Variants in ADGRV1 observed in about 807,000 individuals in gnomAD.
The protein encoded by ADGRV1 is G-protein coupled receptor 98.
Under a neutral mutation model 596.2 loss-of-function variants are expected in ADGRV1, and 359 were observed. That is an observed-to-expected ratio of 0.60 (90% confidence interval 0.55 to 0.66). The LOEUF is 0.66. Ranked by LOEUF, ADGRV1 falls within the 30% of genes least tolerant of loss-of-function variation. The probability of loss-of-function intolerance (pLI) is 0.00; values close to 1 mark genes in which losing one functional copy is unlikely to be tolerated. For synonymous variants in ADGRV1, 2,681 were observed against 2,679.2 expected, an observed-to-expected ratio of 1.00 and a Z score of -0.02; for missense variants, 7,274 against 7,575.6, an observed-to-expected ratio of 0.96 and a Z score of 1.48.
chr5:90,872,442 TGTGTGTGTGTGTGTG>T (rs1768786147), intron 83 of ADGRV1, among the ~76,000 whole-genome samples: 1 of 149,350 alleles, frequency 6.7e-6, no homozygotes, highest in Admixed American at 6.7e-5. Flanking sequence ...TGTGTGTGTG[TGTGTGTGTGTGTGTG>T]TGTGTGTGTA....
chr5:90,845,825 C>T (rs187847472), intron 78 of ADGRV1, among the ~76,000 whole-genome samples: 13 of 152,258 alleles, frequency 8.5e-5, no homozygotes, highest in African/African-American at 3.1e-4. Context: ...AGCCTGTTAT[C>T]TTTTCTCTGA....
chr5:90,661,706 A>G (rs2149491123), intron 21 of ADGRV1, among the ~76,000 whole-genome samples: 1 of 152,314 alleles, frequency 6.6e-6, no homozygotes, highest in East Asian at 1.9e-4. Flanking sequence ...GGTAGTGAGT[A>G]TTATTGTGTC....
chr5:90,928,485 G>C (rs1774775005), intron 83 of ADGRV1, among the ~76,000 whole-genome samples: 2 of 149,790 alleles, frequency 1.3e-5, no homozygotes, highest in Admixed American at 6.6e-5. Context: ...AGCTCCATCA[G>C]CTCCTTTAAG....
chr5:90,773,435 A>C (rs1443842750), intron 59 of ADGRV1, among the ~76,000 whole-genome samples: 2 of 152,146 alleles, frequency 1.3e-5, no homozygotes, highest in Admixed American at 1.3e-4. Context: ...CAAGAAAAAA[A>C]ATAAGAAAAA....
intron 1 of ADGRV1, among the ~76,000 whole-genome samples, chr5:90,566,595 G>T (rs900478683): frequency 4.6e-5 from 7 of 151,822 alleles, no homozygotes; most frequent in Non-Finnish European, 1.0e-4. Context: ...TAATTATGTT[G>T]TAAATGCAAT....
At chr5:90,852,128 G>A (rs113587205) in intron 79 of ADGRV1, among the ~76,000 whole-genome samples, 77 of 152,282 alleles carry the variant, frequency 5.1e-4, no homozygotes, top group African/African-American at 1.8e-3. Context: ...CATGGACAAA[G>A]GACCTAGAGC....
chr5:90,860,168 C>T (rs1040312646), intron 82 of ADGRV1, among the ~76,000 whole-genome samples: 2 of 152,040 alleles, frequency 1.3e-5, no homozygotes, highest in Non-Finnish European at 2.9e-5. Context: ...TATTGAACAG[C>T]GTTAAGTTCA....
chr5:90,666,744 G>A (rs1771480044), intron 21 of ADGRV1, among the ~76,000 whole-genome samples: 2 of 151,536 alleles, frequency 1.3e-5, no homozygotes, highest in African/African-American at 4.9e-5. Flanking sequence ...TGCAGCGGCT[G>A]GTACCGGTTG....
chr5:90,880,225 C>A (rs544366328), intron 83 of ADGRV1, among the ~76,000 whole-genome samples: 6 of 152,200 alleles, frequency 3.9e-5, no homozygotes, highest in African/African-American at 1.4e-4. Flanking sequence ...AGATTTGAAC[C>A]TATGTGTGTC....
intron 75 of ADGRV1, among the ~76,000 whole-genome samples, chr5:90,817,739 C>A (rs369062002): frequency 1.3e-5 from 2 of 152,030 alleles, no homozygotes; most frequent in African/African-American, 2.4e-5. Context: ...TGCGGCGTTA[C>A]TTCTGAGGGC....
intron 87 of ADGRV1, among the ~76,000 whole-genome samples, chr5:91,145,838 A>G (rs1795491638): frequency 6.6e-6 from 1 of 152,214 alleles, no homozygotes; most frequent in Admixed American, 6.5e-5. Context: ...ACTAAATTAT[A>G]ATAGTATTCC....
At chr5:90,786,369 T>C (rs977826600) in intron 67 of ADGRV1, among the ~76,000 whole-genome samples, 4 of 152,230 alleles carry the variant, frequency 2.6e-5, no homozygotes, top group Admixed American at 2.6e-4. Flanking sequence ...CTGCACGTTG[T>C]GCACATGTAC....
At chr5:90,906,749 T>A (rs1219907336) in intron 83 of ADGRV1, among the ~76,000 whole-genome samples, 2 of 152,158 alleles carry the variant, frequency 1.3e-5, no homozygotes, top group Non-Finnish European at 2.9e-5. Context: ...GCTCTCTTCT[T>A]TATTATTTCT....
chr5:90,755,457 A>G (rs775253377), intron 55 of ADGRV1, among the ~76,000 whole-genome samples: 4 of 152,168 alleles, frequency 2.6e-5, no homozygotes, highest in Non-Finnish European at 4.4e-5. Flanking sequence ...TAGATTAATT[A>G]TATCTGATTG....
intron 59 of ADGRV1, among the ~76,000 whole-genome samples, chr5:90,769,722 G>T (rs780003217): frequency 4.6e-5 from 7 of 151,890 alleles, no homozygotes; most frequent in Non-Finnish European, 8.8e-5. Context: ...TCAAGCTTTT[G>T]TTTCTTCATA....
At chr5:90,770,430 T>C (rs1407532398) in intron 59 of ADGRV1, among the ~76,000 whole-genome samples, 2 of 152,140 alleles carry the variant, frequency 1.3e-5, no homozygotes, top group East Asian at 1.9e-4. Flanking sequence ...TGGTACTTCT[T>C]GTTATTTAGG....
In ADGRV1 at chr5:90,697,155, C is replaced by T. The variant is rs763170042; in HGVS notation, c.8155+9C>T. 1.9e-6 allele frequency: 3 copies of T among 1,606,118 alleles called. No individual in the cohort carries two copies. The Admixed American group carries it at 5.0e-5, about 27-fold the overall frequency. On this transcript the variant is annotated intron_variant, in intron 34 of 89. Transcript: ENST00000405460. ...TGTCATAGGTCATGAAGGTGGGTTC[C>T]TTTTTTTGTTAAGCATATTCATTTT...
At chr5:90,921,806 T>G (rs111930434) in intron 83 of ADGRV1, among the ~76,000 whole-genome samples, 14,142 of 150,788 alleles carry the variant, frequency 0.094, 853 homozygotes, top group East Asian at 0.25. Context: ...GTTTTTTTTT[T>G]TTTTTTTTTT....
chr5:90,799,196 A>T (rs1761081959), intron 70 of ADGRV1, among the ~76,000 whole-genome samples: 1 of 152,230 alleles, frequency 6.6e-6, no homozygotes. Context: ...TCAGCCCCAG[A>T]TATCCTTAAG....
Sources: gnomAD v4.1 joint callset for allele counts (sites outside exome capture counted in the v4.1 genomes callset) on GRCh38, gnomAD v4.1.1 for gene constraint, MANE v1.5 for transcripts, NCBI Gene and HGNC (gene_info 2026-07-23, HGNC 2026-07-21) for gene names.